PRKACB: variants seen among roughly 807,000 people sequenced by gnomAD.
The protein encoded by PRKACB is protein kinase cAMP-activated catalytic subunit beta.
A neutral mutation model predicts 51.4 loss-of-function variants in PRKACB; 16 were observed. The observed-to-expected ratio is 0.31, with a 90% confidence interval of 0.21 to 0.47. PRKACB has a LOEUF of 0.47. Among genes scored for constraint, PRKACB ranks in the 20% least tolerant of loss-of-function variants. The probability of loss-of-function intolerance (pLI) is 1.00; values close to 1 mark genes in which losing one functional copy is unlikely to be tolerated. For missense variants in PRKACB, 309 were observed against 464.5 expected (o/e 0.67, Z 3.08); for synonymous variants, 147 against 154.4 (o/e 0.95, Z 0.35).
chr1:84,108,937 C>T (rs1365635817), intron 1 of PRKACB, among the ~76,000 whole-genome samples: 1 of 151,938 alleles, frequency 6.6e-6, no homozygotes, highest in Non-Finnish European at 1.5e-5. Flanking sequence ...TAACCATTCT[C>T]TCTACTTTGA....
chr1:84,136,316 A>C (rs1652803533), intron 1 of PRKACB, among the ~76,000 whole-genome samples: 1 of 152,194 alleles, frequency 6.6e-6, no homozygotes, highest in Admixed American at 6.5e-5. Flanking sequence ...ACAAAATAAA[A>C]ATCAGTTCTA....
intron 1 of PRKACB, among the ~76,000 whole-genome samples, chr1:84,161,546 C>G (rs968204817): frequency 6.6e-6 from 1 of 151,518 alleles, no homozygotes; most frequent in African/African-American, 2.4e-5. Context: ...TCCCTTTCTA[C>G]CACCTTCTTT....
At chr1:84,127,182 T>C (rs928786525) in intron 1 of PRKACB, among the ~76,000 whole-genome samples, 2 of 152,216 alleles carry the variant, frequency 1.3e-5, no homozygotes, top group African/African-American at 4.8e-5. Flanking sequence ...AATGTACATT[T>C]GTACATGAGA....
chr1:84,158,176 T>C (rs1193738124), intron 1 of PRKACB, among the ~76,000 whole-genome samples: 1 of 152,022 alleles, frequency 6.6e-6, no homozygotes, highest in Non-Finnish European at 1.5e-5. Flanking sequence ...TAGCTGGCAT[T>C]ACAGGCATGC....
At chr1:84,087,091 AT>A (rs752757820) in intron 1 of PRKACB, among the ~76,000 whole-genome samples, 6 of 152,256 alleles carry the variant, frequency 3.9e-5, no homozygotes, top group Non-Finnish European at 7.3e-5. Flanking sequence ...AACATGAAAC[AT>A]TCTATTCTTA....
chr1:84,092,630 C>G (rs1014563107), intron 1 of PRKACB, among the ~76,000 whole-genome samples: 2 of 152,112 alleles, frequency 1.3e-5, no homozygotes, highest in Admixed American at 6.5e-5. Flanking sequence ...TGCTGGATTT[C>G]TGGGTCACAG....
intron 8 of PRKACB, 98 bp from the exon 9 acceptor site, chr1:84,214,055 T>G: frequency 7.9e-7 from 1 of 1,269,706 alleles, no homozygotes; most frequent in Admixed American, 3.1e-5. Context: ...TTTGTTTATA[T>G]AATGGCTTGT....
chr1:84,104,599 T>C (rs1352004964), intron 1 of PRKACB, among the ~76,000 whole-genome samples: 2 of 152,130 alleles, frequency 1.3e-5, no homozygotes, highest in Non-Finnish European at 2.9e-5. Context: ...TCACTAAAAG[T>C]ATATGAGAGT....
chr1:84,138,894 G>T (rs567776333), intron 1 of PRKACB, among the ~76,000 whole-genome samples: 18 of 152,124 alleles, frequency 1.2e-4, no homozygotes, highest in African/African-American at 4.3e-4. Flanking sequence ...AAATTAATCT[G>T]TGCAACCCAC....
chr1:84,100,149 A>T (rs1327479458), intron 1 of PRKACB, among the ~76,000 whole-genome samples: 1 of 152,202 alleles, frequency 6.6e-6, no homozygotes, highest in African/African-American at 2.4e-5. Flanking sequence ...TCTTCTTCAC[A>T]AGGTGACAGG....
At chr1:84,085,173 A>T (rs1201673342) in intron 1 of PRKACB, among the ~76,000 whole-genome samples, 3 of 152,206 alleles carry the variant, frequency 2.0e-5, no homozygotes, top group Admixed American at 2.0e-4. Context: ...TGCATCCTCT[A>T]AGCTATTCGG....
At chr1:84,140,214 A>G (rs1018069217), upstream of PRKACB, among the ~76,000 whole-genome samples, 1 of 152,248 alleles carries the variant, frequency 6.6e-6, no homozygotes, top group African/African-American at 2.4e-5. Context: ...AGACTCACAC[A>G]AATATGGTCA....
intron 1 of PRKACB, among the ~76,000 whole-genome samples, chr1:84,166,194 A>T (rs1051109819): frequency 8.6e-5 from 13 of 151,744 alleles, no homozygotes; most frequent in Non-Finnish European, 1.9e-4. Context: ...ACTGAAATAG[A>T]TCTGTTTTAA....
intron 1 of PRKACB, among the ~76,000 whole-genome samples, chr1:84,172,219 T>G (rs1211908516): frequency 6.6e-6 from 1 of 151,682 alleles, no homozygotes. Context: ...AATCCATTCT[T>G]AACTCCATAT....
chr1:84,183,033 A>C lies in PRKACB; in HGVS notation c.378+705A>C, dbSNP rs41300532. Among the ~76,000 whole-genome samples the C allele has an allele frequency of 3.1e-3, 475 of 152,094 alleles. 5 individuals carry two copies. The highest frequency in any genetic ancestry group is 0.011 in the African/African-American group (454 of 41,530). On this transcript the variant is annotated intron_variant, in intron 3 of 9. Transcript: ENST00000370685. ...AAAACACAAATCTGACTCCTACTCA[A>C]TTTATTTGCTCAATATTATCAGTAT...
At chr1:84,161,797 A>G (rs1656227497) in intron 1 of PRKACB, among the ~76,000 whole-genome samples, 1 of 151,990 alleles carries the variant, frequency 6.6e-6, no homozygotes, top group Non-Finnish European at 1.5e-5. Flanking sequence ...TAAACCCAGC[A>G]ACATAATGTT....
chr1:84,234,301 C>T (rs1057355252), intron 9 of PRKACB, among the ~76,000 whole-genome samples: 1 of 152,216 alleles, frequency 6.6e-6, no homozygotes, highest in Non-Finnish European at 1.5e-5. Context: ...GCTGGGAGAA[C>T]CACTGCTCTC....
chr1:84,172,234 G>A (rs537072348), intron 1 of PRKACB, among the ~76,000 whole-genome samples: 21 of 151,546 alleles, frequency 1.4e-4, no homozygotes, highest in South Asian at 6.2e-4. Flanking sequence ...CCATATTGTC[G>A]GGAAACAAGA....
intron 8 of PRKACB, among the ~76,000 whole-genome samples, chr1:84,206,627 A>G (rs1315284142): frequency 2.0e-5 from 3 of 152,200 alleles, no homozygotes; most frequent in Admixed American, 1.3e-4. Context: ...TAAATACTCA[A>G]TGCCCAAAGT....
Sources: gnomAD v4.1 joint callset for allele counts (sites outside exome capture counted in the v4.1 genomes callset) on GRCh38, gnomAD v4.1.1 for gene constraint, MANE v1.5 for transcripts, NCBI Gene and HGNC (gene_info 2026-07-23, HGNC 2026-07-21) for gene names.